The following MSH3 variants were observed in gnomAD, a reference collection of about 807,000 sequenced individuals.
MSH3 encodes the protein DNA mismatch repair protein Msh3.
In MSH3, 106 loss-of-function variants were observed where a neutral mutation model predicts 123.3. The ratio of observed to expected loss-of-function variants is 0.86; its 90% CI spans 0.73 to 1.01. The LOEUF (loss-of-function observed/expected upper bound fraction) is 1.01. MSH3 is among the 50% of genes least tolerant of loss of function. The pLI is 0.00. For synonymous variants in MSH3, 515 were observed against 481.4 expected (o/e 1.07, Z -0.91); for missense variants, 1,459 against 1,347.6 (o/e 1.08, Z -1.29).
chr5:80,761,091 G>A (rs1467039547), intron 12 of MSH3, among the ~76,000 whole-genome samples: 1 of 152,176 alleles, frequency 6.6e-6, no homozygotes, highest in African/African-American at 2.4e-5. Flanking sequence ...GTTAAAGACA[G>A]CGAGGTTGGG....
rs528928531 is a variant in MSH3, at chr5:80,854,173, A to T, written c.2857A>T (p.Met953Leu). Residue 953 changes from methionine to leucine, a missense_variant, in exon 21 of 24, where the codon ATG becomes TTG. Physicochemically the swap from Met to Leu is conservative, Grantham distance 15. Transcript: ENST00000265081. ...TATATATAAAGGACAGAGTACATTT[A>T]TGGAAGAACTGACTGACACAGCAGA... The part of the protein sequence containing the change: ...DNIYKGQSTF[M>L]EELTDTAEII... The T allele has an allele frequency of 4.4e-5, 71 of 1,613,844 alleles. 1 individual carries two copies. In the South Asian group the frequency reaches 4.8e-4, roughly 11 times the overall value.
At chr5:80,758,822 T>C (rs1164413580) in intron 12 of MSH3, among the ~76,000 whole-genome samples, 1 of 152,188 alleles carries the variant, frequency 6.6e-6, no homozygotes, top group Non-Finnish European at 1.5e-5. Flanking sequence ...AGAAAACCTT[T>C]AATTTTTGAG....
intron 16 of MSH3, among the ~76,000 whole-genome samples, chr5:80,778,094 A>G (rs543420614): frequency 7.6e-4 from 116 of 152,292 alleles, no homozygotes; most frequent in African/African-American, 2.5e-3. Flanking sequence ...CTGGGGACCC[A>G]TGGCATCCCC....
chr5:80,717,014 C>T (rs768667862), intron 8 of MSH3, among the ~76,000 whole-genome samples: 8 of 152,126 alleles, frequency 5.3e-5, no homozygotes, highest in Non-Finnish European at 1.0e-4. Flanking sequence ...CAGTTCCATC[C>T]ATGTTACTGC....
chr5:80,693,429 GCACATGTATATGTTTATATAGATAA>G (rs1580566940), intron 8 of MSH3, among the ~76,000 whole-genome samples: 1 of 103,640 alleles, frequency 9.6e-6, no homozygotes, highest in Non-Finnish European at 2.0e-5. Context: ...AGATATACAT[GCACATGTATATGTTTATATAGATAA>G]ATATACATGC....
chr5:80,717,245 A>G (rs1002434552), intron 8 of MSH3, among the ~76,000 whole-genome samples: 1 of 152,114 alleles, frequency 6.6e-6, no homozygotes, highest in African/African-American at 2.4e-5. Context: ...TTGCTGGATC[A>G]TGTAATAGTT....
Position 80,741,524 on chromosome 5 carries a change from G to C in MSH3, c.1629G>C (p.Arg543Ser), listed in dbSNP as rs780712445. 4.3e-6 allele frequency: 7 copies of C among 1,609,746 alleles called. No homozygotes were observed. Among genetic ancestry groups the C allele is most frequent in the Admixed American group, 3.3e-5 (2 of 60,020 alleles). Residue 543 changes from arginine to serine, a missense_variant, in exon 11 of 24, where the codon AGG (arginine) becomes AGC (serine). Physicochemically the swap from Arg to Ser is moderately radical, Grantham distance 110. Transcript: ENST00000265081. Reference sequence around the variant, plus strand: ...TGACAATTAATGGAACAACATTAAGGAATCTGGAAATCCTACAGAATCAGG... The same window carrying C: ...TGACAATTAATGGAACAACATTAAGCAATCTGGAAATCCTACAGAATCAGG... ...EFMTINGTTL[R>S]NLEILQNQTD... is the part of the protein sequence containing the mutation.
chr5:80,839,098 G>C (rs1240071394), intron 20 of MSH3, among the ~76,000 whole-genome samples: 1 of 152,188 alleles, frequency 6.6e-6, no homozygotes, highest in Non-Finnish European at 1.5e-5. Context: ...TGGGTGCGGT[G>C]GCTCAAACTT....
intron 20 of MSH3, among the ~76,000 whole-genome samples, chr5:80,826,904 A>G (rs540611848): frequency 3.3e-5 from 5 of 152,208 alleles, no homozygotes; most frequent in Non-Finnish European, 5.9e-5. Flanking sequence ...CCTGAATAAG[A>G]AGCAGATTTT....
chr5:80,798,836 G>A (rs1163836263), intron 19 of MSH3, among the ~76,000 whole-genome samples: 1 of 152,138 alleles, frequency 6.6e-6, no homozygotes, highest in Admixed American at 6.5e-5. Flanking sequence ...TTACCTGTCT[G>A]CATTGATTGG....
At chr5:80,683,142 T>C (rs1054171448) in intron 8 of MSH3, among the ~76,000 whole-genome samples, 1 of 152,224 alleles carries the variant, frequency 6.6e-6, no homozygotes, top group African/African-American at 2.4e-5. Flanking sequence ...ATCTTAGCTC[T>C]TGTGAATAGT....
chr5:80,833,800 A>C (rs913736504), intron 20 of MSH3, among the ~76,000 whole-genome samples: 1 of 152,254 alleles, frequency 6.6e-6, no homozygotes, highest in Non-Finnish European at 1.5e-5. Flanking sequence ...GGCGTGAGCC[A>C]CTGCGCCCAG....
intron 8 of MSH3, among the ~76,000 whole-genome samples, chr5:80,695,306 T>C (rs966595868): frequency 3.9e-5 from 6 of 151,988 alleles, no homozygotes; most frequent in African/African-American, 7.2e-5. Context: ...TCCACTGTTA[T>C]TATATTTTTC....
rs2112813795 is a variant in MSH3 at position 80,672,300 on chromosome 5, A to G, written c.849A>G (p.Ala283=). 1.2e-6 allele frequency: 2 copies of G among 1,614,064 alleles called. No individual in the cohort carries two copies. Among genetic ancestry groups the G allele is most frequent in the East Asian group, 2.2e-5 (1 of 44,856 alleles). The change falls in exon 5 of 24, where the codon GCA becomes GCG. Residue 283 remains alanine (A), a synonymous_variant. Coordinates refer to ENST00000265081, the MANE Select transcript of MSH3 (RefSeq NM_002439.5). ...ATTTAGATCACAACTTTATGACAGC[A>G]AGTATACCTACTCACAGACTGTTTG... ...YCHLDHNFMT[A]SIPTHRLFVH... is the part of the protein sequence containing the mutation.
At chr5:80,729,460 G>GTGTGTGTGTGTGTATATA (rs1277559108) in intron 10 of MSH3, among the ~76,000 whole-genome samples, 18 of 95,024 alleles carry the variant, frequency 1.9e-4, no homozygotes, top group African/African-American at 7.1e-4. Flanking sequence ...GTGTGTGTGT[G>GTGTGTGTGTGTGTATATA]TATATATATA....
At chr5:80,713,797 T>C (rs1020797962) in intron 8 of MSH3, among the ~76,000 whole-genome samples, 1 of 69,248 alleles carries the variant, frequency 1.4e-5, no homozygotes, top group African/African-American at 7.4e-5. Flanking sequence ...CCTGCTATTC[T>C]TAAGTCTGCA....
At chr5:80,819,870 C>T (rs1386987859) in intron 20 of MSH3, among the ~76,000 whole-genome samples, 2 of 152,150 alleles carry the variant, frequency 1.3e-5, no homozygotes, top group African/African-American at 4.8e-5. Flanking sequence ...GATAATTTAC[C>T]TGTCTTTAAG....
At chr5:80,784,956 A>G (rs1280555486) in intron 17 of MSH3, among the ~76,000 whole-genome samples, 1 of 152,244 alleles carries the variant, frequency 6.6e-6, no homozygotes, top group Non-Finnish European at 1.5e-5. Flanking sequence ...TGTTGTTTCT[A>G]GTATCTGGAA....
chr5:80,749,946 T>G (rs1390267797), intron 12 of MSH3, among the ~76,000 whole-genome samples: 1 of 152,120 alleles, frequency 6.6e-6, no homozygotes, highest in African/African-American at 2.4e-5. Context: ...ATTTTACATA[T>G]AAGTGAGATG....
Sources: allele counts gnomAD v4.1 joint callset (sites outside exome capture counted in the v4.1 genomes callset), GRCh38; gene constraint gnomAD v4.1.1; transcripts MANE v1.5; gene names NCBI Gene and HGNC (gene_info 2026-07-23, HGNC 2026-07-21).